LRP12: variants seen among roughly 807,000 people sequenced by gnomAD.
LRP12 encodes the protein low-density lipoprotein receptor-related protein 12.
In LRP12, 14 loss-of-function variants were observed where a neutral mutation model predicts 66.0. The ratio of observed to expected loss-of-function variants is 0.21; its 90% CI spans 0.14 to 0.33. The LOEUF (loss-of-function observed/expected upper bound fraction) is 0.33. Ranked by LOEUF, LRP12 falls within the 10% of genes least tolerant of loss-of-function variation. The probability of loss-of-function intolerance (pLI) is 1.00; values close to 1 mark genes in which losing one functional copy is unlikely to be tolerated. For missense variants in LRP12, 889 were observed against 1,053.4 expected (o/e 0.84, Z 2.16); for synonymous variants, 357 against 359.1 (o/e 0.99, Z 0.07).
intron 1 of LRP12, among the ~76,000 whole-genome samples, chr8:104,564,440 C>T (rs887483995): frequency 1.3e-4 from 20 of 151,934 alleles, no homozygotes; most frequent in Admixed American, 2.0e-4. Context: ...TCTAGAATCG[C>T]GCATTATGTA....
chr8:104,521,246 C>T (rs1038444931), intron 2 of LRP12, among the ~76,000 whole-genome samples: 7 of 151,638 alleles, frequency 4.6e-5, no homozygotes, highest in South Asian at 2.1e-4. Context: ...AGTGTTATGT[C>T]GTTGCTCAAA....
chr8:104,572,367 C>T (rs1332180511), intron 1 of LRP12, among the ~76,000 whole-genome samples: 1 of 151,812 alleles, frequency 6.6e-6, no homozygotes, highest in African/African-American at 2.4e-5. Flanking sequence ...TTAACAGTCA[C>T]ATAACTGCAC....
intron 3 of LRP12, chr8:104,506,192 T>C (rs1464781885): frequency 2.0e-5 from 3 of 152,180 alleles, no homozygotes; most frequent in Non-Finnish European, 4.4e-5. Flanking sequence ...TTGGTTCCCT[T>C]TGTAATGCTA....
intron 1 of LRP12, among the ~76,000 whole-genome samples, chr8:104,542,191 A>G (rs1367119496): frequency 6.6e-6 from 1 of 152,152 alleles, no homozygotes; most frequent in East Asian, 1.9e-4. Context: ...TAGCCATCCT[A>G]TGGGTGTGAA....
chr8:104,496,951 T>C (rs773331137), intron 5 of LRP12, 21 bp downstream of exon 5: 3 of 1,490,196 alleles, frequency 2.0e-6, no homozygotes, highest in East Asian at 2.3e-5. Flanking sequence ...TGAGGCCCAA[T>C]AGTTCTGTCT....
chr8:104,582,612 C>T (rs1167537802), intron 1 of LRP12, among the ~76,000 whole-genome samples: 1 of 152,154 alleles, frequency 6.6e-6, no homozygotes. Context: ...ATGTTCTATA[C>T]TTATTTCATT....
At chr8:104,492,575 A>G (rs1439369226) in intron 6 of LRP12, among the ~76,000 whole-genome samples, 4 of 152,068 alleles carry the variant, frequency 2.6e-5, no homozygotes, top group African/African-American at 9.7e-5. Context: ...CTTTCCCCTC[A>G]CAGAAGAAAG....
chr8:104,547,018 TAATA>T (rs1811575112), intron 1 of LRP12, among the ~76,000 whole-genome samples: 1 of 144,322 alleles, frequency 6.9e-6, no homozygotes, highest in East Asian at 2.0e-4. Flanking sequence ...ATTCTGTATA[TAATA>T]TATAATTATA....
chr8:104,544,219 C>T (rs182909561), intron 1 of LRP12, among the ~76,000 whole-genome samples: 4 of 152,204 alleles, frequency 2.6e-5, no homozygotes, highest in East Asian at 3.9e-4. Flanking sequence ...TTCAATTCTA[C>T]GAAGGCTGAG....
rs771469481 is a variant in LRP12, at chr8:104,498,065, C to T, written c.487G>A (p.Glu163Lys). The T allele has an allele frequency of 3.8e-5, 61 of 1,589,262 alleles. No individual in the cohort carries two copies. The South Asian group carries it at 6.8e-4, about 18-fold the overall frequency. ...RLAYFSGKSE[E>K]PNCACDQFRC... is the part of the protein sequence containing the mutation. Reference sequence around the variant, plus strand: ...AACTGATCACAAGCACAATTTGGTTCCTCAGATTTCCCTGTGAAGATGTGA... The same window carrying T: ...AACTGATCACAAGCACAATTTGGTTTCTCAGATTTCCCTGTGAAGATGTGA... The change falls in exon 5 of 7, where the codon GAA becomes AAA. Residue 163 changes from glutamate to lysine, a missense_variant. By Grantham distance (56) the Glu-to-Lys change is moderately conservative (BLOSUM62 1). Coordinates refer to ENST00000276654, the MANE Select transcript of LRP12 (RefSeq NM_013437.5).
At chr8:104,508,246 T>G (rs1810937959) in intron 3 of LRP12, 1 of 152,218 alleles carries the variant, frequency 6.6e-6, no homozygotes, top group Non-Finnish European at 1.5e-5. Flanking sequence ...CTAGTTCTAC[T>G]AAATATATTC....
intron 1 of LRP12, among the ~76,000 whole-genome samples, chr8:104,565,595 C>G (rs1811985430): frequency 6.6e-6 from 1 of 152,078 alleles, no homozygotes; most frequent in Non-Finnish European, 1.5e-5. Context: ...CGCGGTGGCT[C>G]ACGCCTGTAA....
chr8:104,512,019 T>C (rs1357238772), intron 2 of LRP12, among the ~76,000 whole-genome samples: 1 of 151,992 alleles, frequency 6.6e-6, no homozygotes, highest in Non-Finnish European at 1.5e-5. Context: ...TCTTTAAGAG[T>C]TTATTAATAA....
At chr8:104,495,479 G>A (rs2140830189) in intron 5 of LRP12, 2 of 309,576 alleles carry the variant, frequency 6.5e-6, no homozygotes, top group Middle Eastern at 1.8e-3. Context: ...AAAGGTAAAG[G>A]GAGAAATAAT....
intron 1 of LRP12, among the ~76,000 whole-genome samples, chr8:104,548,174 A>ATATATTATATTAATAT (rs1564141824): frequency 1.0e-5 from 1 of 99,128 alleles, no homozygotes; most frequent in African/African-American, 4.7e-5. Context: ...TATATATAAT[A>ATATATTATATTAATAT]TAATATATAA....
Position 104,509,057 on chromosome 8 carries a change from C to G in LRP12, c.154G>C (p.Glu52Gln), listed in dbSNP as rs200376795. The G allele has an allele frequency of 6.8e-6, 11 of 1,613,566 alleles. No homozygotes were observed. The East Asian group carries it at 2.5e-4, about 36-fold the overall frequency. Reference protein sequence around the residue: ...GVSTACGETPEQIRAPSGIIT... With the variant: ...GVSTACGETPQQIRAPSGIIT... ...ATGCCACTTGGTGCTCGTATTTGCTCTGGAGTCTCTCCACAAGCTGGAAGA... is the reference window on the plus strand; with the variant it reads ...ATGCCACTTGGTGCTCGTATTTGCTGTGGAGTCTCTCCACAAGCTGGAAGA... Residue 52 changes from glutamate (E) to glutamine (Q), a missense_variant, in exon 3 of 7, where the codon GAG becomes CAG. Glu to Gln is a conservative substitution (Grantham distance 29). Around this residue, in one of 3 missense-constraint regions of LRP12, gnomAD observed 88 missense variants for 72.5 expected, o/e 1.21. Transcript: ENST00000276654.
At chr8:104,510,026 A>G (rs1260100498) in intron 2 of LRP12, among the ~76,000 whole-genome samples, 2 of 152,238 alleles carry the variant, frequency 1.3e-5, no homozygotes, top group Non-Finnish European at 2.9e-5. Flanking sequence ...GTTCAAGATT[A>G]CTGGCTTTGG....
rs146725021 is a variant in LRP12 at position 104,546,645 on chromosome 8, A to G, written c.80-14682T>C. On this transcript the variant is annotated intron_variant, in intron 1 of 6. Coordinates refer to ENST00000276654, the MANE Select transcript of LRP12 (RefSeq NM_013437.5). Reference sequence around the variant, plus strand: ...CTCAAATCCAGATTTACCCAACTCCAACATTAAAAATTGAGTTTTCACCTA... The same window carrying G: ...CTCAAATCCAGATTTACCCAACTCCGACATTAAAAATTGAGTTTTCACCTA... 4.9e-3 allele frequency among the ~76,000 whole-genome samples: 745 copies of G among 152,082 alleles called. 3 individuals are homozygous for G. The highest frequency in any genetic ancestry group is 8.1e-3 in the Admixed American group (123 of 15,218).
intron 1 of LRP12, among the ~76,000 whole-genome samples, chr8:104,567,158 A>T (rs1272791768): frequency 6.6e-6 from 1 of 152,172 alleles, no homozygotes; most frequent in Non-Finnish European, 1.5e-5. Flanking sequence ...AAGGAAAAAA[A>T]GCCATTTAGA....
Sources: gnomAD v4.1 joint callset for allele counts (sites outside exome capture counted in the v4.1 genomes callset) on GRCh38, gnomAD v4.1.1 for gene constraint, gnomAD v4.1.1 regional missense constraint, MANE v1.5 for transcripts, NCBI Gene and HGNC (gene_info 2026-07-23, HGNC 2026-07-21) for gene names.